The following ZCCHC7 variants were observed in gnomAD, a reference collection of about 807,000 sequenced individuals.
The protein encoded by ZCCHC7 is zinc finger CCHC-type containing 7.
Under a neutral mutation model 52.0 loss-of-function variants are expected in ZCCHC7, and 35 were observed. The ratio of observed to expected loss-of-function variants is 0.67; its 90% CI spans 0.51 to 0.89. The LOEUF is 0.89. ZCCHC7 is among the 40% of genes least tolerant of loss of function. The probability of loss-of-function intolerance (pLI) is 0.00; values close to 1 mark genes in which losing one functional copy is unlikely to be tolerated. For missense variants in ZCCHC7, 574 were observed against 649.1 expected (o/e 0.88, Z 1.26); for synonymous variants, 217 against 221.5 (o/e 0.98, Z 0.18).
chr9:37,174,733 A>G (rs1821924480), intron 2 of ZCCHC7, among the ~76,000 whole-genome samples: 1 of 152,208 alleles, frequency 6.6e-6, no homozygotes, highest in Non-Finnish European at 1.5e-5. Context: ...TGTTTGTGTC[A>G]CTATTTAAGG....
At chr9:37,220,302 A>G (rs2133257104) in intron 2 of ZCCHC7, among the ~76,000 whole-genome samples, 1 of 152,248 alleles carries the variant, frequency 6.6e-6, no homozygotes, top group East Asian at 1.9e-4. Context: ...GCACTTTGGG[A>G]GGCCGAGGCG....
intron 2 of ZCCHC7, among the ~76,000 whole-genome samples, chr9:37,199,473 A>C (rs1191474005): frequency 2.7e-5 from 4 of 149,674 alleles, no homozygotes; most frequent in Non-Finnish European, 5.9e-5. Context: ...CTGGGATTAT[A>C]GGCATACACC....
intron 2 of ZCCHC7, among the ~76,000 whole-genome samples, chr9:37,236,870 C>T (rs488588): frequency 1.3e-5 from 2 of 152,130 alleles, no homozygotes; most frequent in African/African-American, 2.4e-5. Flanking sequence ...TAGAAATATC[C>T]TTCATCTCCT....
At chr9:37,343,584 G>T (rs191958437) in intron 6 of ZCCHC7, among the ~76,000 whole-genome samples, 3 of 152,122 alleles carry the variant, frequency 2.0e-5, no homozygotes, top group African/African-American at 7.2e-5. Flanking sequence ...TCAAATTTAG[G>T]CAATAAAGTA....
intron 2 of ZCCHC7, chr9:37,186,732 G>T: frequency 1.7e-6 from 1 of 584,372 alleles, no homozygotes; most frequent in South Asian, 2.1e-5. Flanking sequence ...AAATCTTTAT[G>T]AACTAACAAG....
intron 4 of ZCCHC7, among the ~76,000 whole-genome samples, 181 bp from the exon 5 acceptor site, chr9:37,305,363 G>A (rs746059042): frequency 6.6e-6 from 1 of 152,076 alleles, no homozygotes; most frequent in Non-Finnish European, 1.5e-5. Context: ...AGCCTTTTTG[G>A]CAAACAATAT....
At chr9:37,335,065 T>C (rs12004840) in intron 6 of ZCCHC7, among the ~76,000 whole-genome samples, 1 of 152,088 alleles carries the variant, frequency 6.6e-6, no homozygotes, top group African/African-American at 2.4e-5. Flanking sequence ...TTTATAATTT[T>C]GTAATACATC....
intron 5 of ZCCHC7, among the ~76,000 whole-genome samples, chr9:37,312,987 G>C (rs1829661322): frequency 6.6e-6 from 1 of 152,010 alleles, no homozygotes; most frequent in East Asian, 1.9e-4. Flanking sequence ...AGGAATGAAG[G>C]GGAAAAGAAA....
chr9:37,233,109 A>G (rs1371100566), intron 2 of ZCCHC7, among the ~76,000 whole-genome samples: 1 of 152,210 alleles, frequency 6.6e-6, no homozygotes, highest in Non-Finnish European at 1.5e-5. Flanking sequence ...CAAAGTACAG[A>G]TGCTCCTTAA....
chr9:37,276,003 G>A (rs2133538577), intron 2 of ZCCHC7, among the ~76,000 whole-genome samples: 1 of 152,294 alleles, frequency 6.6e-6, no homozygotes, highest in South Asian at 2.1e-4. Flanking sequence ...AACCAACAAT[G>A]TATGAGAGTT....
intron 2 of ZCCHC7, among the ~76,000 whole-genome samples, chr9:37,289,368 C>G (rs1425171341): frequency 6.6e-6 from 1 of 152,112 alleles, no homozygotes; most frequent in Non-Finnish European, 1.5e-5. Context: ...CCCGGCTGGT[C>G]TCGAACTACT....
intron 2 of ZCCHC7, among the ~76,000 whole-genome samples, chr9:37,277,168 A>G (rs1471857840): frequency 1.3e-5 from 2 of 152,238 alleles, no homozygotes; most frequent in Admixed American, 1.3e-4. Context: ...GATTTTAATT[A>G]TAACACCATG....
intron 2 of ZCCHC7, among the ~76,000 whole-genome samples, chr9:37,241,310 C>A (rs1015397886): frequency 6.6e-6 from 1 of 151,704 alleles, no homozygotes; most frequent in Non-Finnish European, 1.5e-5. Context: ...CTATTTCTGA[C>A]TTAAACTCTT....
intron 2 of ZCCHC7, among the ~76,000 whole-genome samples, chr9:37,142,002 C>T (rs917311432): frequency 6.6e-6 from 1 of 151,768 alleles, no homozygotes; most frequent in Admixed American, 6.6e-5. Context: ...AATATTTTTT[C>T]ATTAATATTC....
At chr9:37,133,878 C>T (rs947724419) in intron 2 of ZCCHC7, among the ~76,000 whole-genome samples, 3 of 152,312 alleles carry the variant, frequency 2.0e-5, no homozygotes, top group Admixed American at 6.5e-5. Context: ...CGTGAGCCAC[C>T]GTGCCTGGCC....
intron 2 of ZCCHC7, among the ~76,000 whole-genome samples, chr9:37,237,665 T>C (rs1265382997): frequency 6.6e-6 from 1 of 152,232 alleles, no homozygotes; most frequent in African/African-American, 2.4e-5. Flanking sequence ...TGGCACAAAA[T>C]AAGGCATAGT....
intron 5 of ZCCHC7, among the ~76,000 whole-genome samples, chr9:37,314,085 C>T (rs1475455013): frequency 1.3e-5 from 2 of 152,094 alleles, no homozygotes; most frequent in Non-Finnish European, 2.9e-5. Flanking sequence ...GTATTAGTCA[C>T]TTTGAGTGGA....
intron 2 of ZCCHC7, among the ~76,000 whole-genome samples, chr9:37,267,517 C>T (rs1827165802): frequency 6.6e-6 from 1 of 151,838 alleles, no homozygotes; most frequent in Admixed American, 6.6e-5. Context: ...GTGATCCTCC[C>T]ACCTCAGCCT....
chr9:37,124,352 A>G lies in ZCCHC7; in HGVS notation c.-21-1960A>G, dbSNP rs1284597336. ...GGAGTAGTCGAAAGACAACAGAGAA[A>G]TTCATCTCATAATTTTTGTATTTTA... On this transcript the variant is annotated intron_variant, in intron 1 of 8. Transcript: ENST00000336755. 4.0e-5 allele frequency among the ~76,000 whole-genome samples: 6 copies of G among 151,004 alleles called. No homozygotes were observed. In the East Asian group the frequency reaches 1.2e-3, roughly 29 times the overall value.
Sources: allele counts gnomAD v4.1 joint callset (sites outside exome capture counted in the v4.1 genomes callset), GRCh38; gene constraint gnomAD v4.1.1; transcripts MANE v1.5; gene names NCBI Gene and HGNC (gene_info 2026-07-23, HGNC 2026-07-21).